RPRD2: variants seen among roughly 807,000 people sequenced by gnomAD.
The protein encoded by RPRD2 is regulation of nuclear pre-mRNA domain-containing protein 2.
Under a neutral mutation model 104.4 loss-of-function variants are expected in RPRD2, and 12 were observed. The ratio of observed to expected loss-of-function variants is 0.11; its 90% confidence interval spans 0.07 to 0.19. RPRD2 has a LOEUF of 0.19. Among genes scored for constraint, RPRD2 ranks in the 10% least tolerant of loss-of-function variants. The pLI, the probability that RPRD2 is intolerant of heterozygous loss-of-function variation, is 1.00. For synonymous variants in RPRD2, 714 were observed against 684.9 expected (o/e 1.04, Z -0.66); for missense variants, 1,543 against 1,790.1 (o/e 0.86, Z 2.49).
At chr1:150,408,157 GA>G (rs1176188696) in intron 1 of RPRD2, among the ~76,000 whole-genome samples, 22 of 119,614 alleles carry the variant, frequency 1.8e-4, no homozygotes, top group East Asian at 4.2e-4. Context: ...ATATTCATAT[GA>G]TTTTTTTTTT....
At chr1:150,375,232 T>A (rs1660610211) in intron 1 of RPRD2, among the ~76,000 whole-genome samples, 1 of 152,214 alleles carries the variant, frequency 6.6e-6, no homozygotes, top group Non-Finnish European at 1.5e-5. Context: ...GGTGATTTCA[T>A]CCATGGCCTT....
chr1:150,441,623 G>A (rs1335443097), intron 3 of RPRD2: 1 of 328,148 alleles, frequency 3.0e-6, no homozygotes, highest in Non-Finnish European at 5.6e-6. Context: ...ATTTTAATTT[G>A]TTAATTGGTA....
chr1:150,370,963 T>C (rs1430208355), intron 1 of RPRD2, among the ~76,000 whole-genome samples: 7 of 152,204 alleles, frequency 4.6e-5, no homozygotes, highest in Admixed American at 2.0e-4. Flanking sequence ...TCAGTAGTTA[T>C]CACATAACAG....
chr1:150,433,141 C>A (rs1400270905), intron 2 of RPRD2, among the ~76,000 whole-genome samples: 1 of 151,892 alleles, frequency 6.6e-6, no homozygotes, highest in Non-Finnish European at 1.5e-5. Context: ...TACTATGTAC[C>A]CATAAAAATT....
chr1:150,467,198 GA>G (rs1270586007), intron 10 of RPRD2, among the ~76,000 whole-genome samples: 5 of 152,144 alleles, frequency 3.3e-5, no homozygotes, highest in African/African-American at 1.2e-4. Flanking sequence ...ACTTTGTCTG[GA>G]GGTGCAGAAG....
rs781831836 is a variant in RPRD2 at position 150,433,501 on chromosome 1, G to A, written c.336-7422G>A. Among the ~76,000 whole-genome samples the A allele has an allele frequency of 4.4e-4, 58 of 132,560 alleles. 1 individual carries two copies. The highest frequency in any genetic ancestry group is 1.2e-4 in the Non-Finnish European group (8 of 65,268). The allele number at this position is 132,560 out of a possible 152,430, so 87.0% of individuals were successfully genotyped here. Reference sequence around the variant, plus strand: ...GCTCTGTCACCCAGGCTGGAGTGCAGTGGCGCAATCTCAGCTCACTGCAAG... The same window carrying A: ...GCTCTGTCACCCAGGCTGGAGTGCAATGGCGCAATCTCAGCTCACTGCAAG... On this transcript the variant is annotated intron_variant, in intron 2 of 10. Coordinates refer to ENST00000369068, the MANE Select transcript of RPRD2 (RefSeq NM_015203.5).
intron 1 of RPRD2, chr1:150,408,958 C>T (rs1663701131): frequency 4.6e-5 from 7 of 151,036 alleles, no homozygotes. Flanking sequence ...TCCATTATAC[C>T]ATAATGCTTG....
chr1:150,365,938 G>T (rs1553877088), intron 1 of RPRD2, among the ~76,000 whole-genome samples: 1 of 152,150 alleles, frequency 6.6e-6, no homozygotes, highest in East Asian at 1.9e-4. Context: ...CAATTGAGTT[G>T]ATCTCATGGG....
In RPRD2 at chr1:150,472,014, T is replaced by G. The variant is rs761349218; in HGVS notation, c.3066T>G (p.Asp1022Glu). 6.2e-7 allele frequency: 1 copy of G among 1,613,886 alleles called. No homozygotes were observed. Among genetic ancestry groups the G allele is most frequent in the South Asian group, 1.1e-5 (1 of 91,090 alleles). Residue 1022 changes from aspartate (D) to glutamate (E), a missense_variant, in exon 11 of 11, where the codon GAT becomes GAG. Asp to Glu is a conservative substitution (Grantham distance 45). Coordinates refer to ENST00000369068, the MANE Select transcript of RPRD2 (RefSeq NM_015203.5). ...AAAACGCCTCACGTAAGCCCTCAGA[T>G]GATAAGCATTTTGGCCAGGCTCCCA... ...MLKNASRKPS[D>E]DKHFGQAPSK... is the part of the protein sequence containing the mutation.
At chr1:150,420,573 C>G (rs1342357176) in intron 2 of RPRD2, among the ~76,000 whole-genome samples, 1 of 152,168 alleles carries the variant, frequency 6.6e-6, no homozygotes, top group African/African-American at 2.4e-5. Context: ...TGCCTATAAT[C>G]CCAGCACTTT....
chr1:150,473,865 G>A lies in RPRD2; in HGVS notation c.*531G>A, dbSNP rs1025103906. On this transcript the variant is annotated 3_prime_UTR_variant, in exon 11 of 11. Coordinates refer to ENST00000369068, the MANE Select transcript of RPRD2 (RefSeq NM_015203.5). ...TGTGTCCTGCTAACAGCCAAGAGAT[G>A]TTGCAAGGGAGGAAATGTGAGAGAC... 6.6e-6 allele frequency: 1 copy of A among 152,332 alleles called. No homozygotes were observed. The highest frequency in any genetic ancestry group is 1.5e-5 in the Non-Finnish European group (1 of 68,068). The allele number at this position is 152,332 out of a possible 1,614,324, so 9.4% of individuals were successfully genotyped here. A position where few individuals can be genotyped will look rare whatever the true frequency, so the allele number is the denominator to read the frequency against.
At chr1:150,446,870 T>C (rs1238214161) in intron 7 of RPRD2, among the ~76,000 whole-genome samples, 1 of 145,288 alleles carries the variant, frequency 6.9e-6, no homozygotes, top group Non-Finnish European at 1.5e-5. Flanking sequence ...TTTGTCGCTC[T>C]TGTTGCCCAG....
At chr1:150,373,709 C>CA (rs1660498261) in intron 1 of RPRD2, among the ~76,000 whole-genome samples, 1 of 151,572 alleles carries the variant, frequency 6.6e-6, no homozygotes, top group African/African-American at 2.4e-5. Flanking sequence ...ATATAATTCA[C>CA]AAAAAATATA....
intron 1 of RPRD2, among the ~76,000 whole-genome samples, chr1:150,368,213 T>G (rs1448556668): frequency 4.9e-5 from 7 of 144,064 alleles, no homozygotes; most frequent in Non-Finnish European, 9.2e-5. Flanking sequence ...TTGTTTTTTT[T>G]TTTTTTTTTT....
intron 1 of RPRD2, among the ~76,000 whole-genome samples, chr1:150,370,665 C>T (rs1660235204): frequency 6.6e-6 from 1 of 151,020 alleles, no homozygotes; most frequent in African/African-American, 2.4e-5. Context: ...ACCTCTGCCC[C>T]CTGGGTTCAA....
chr1:150,378,616 G>A (rs782386151), intron 1 of RPRD2, among the ~76,000 whole-genome samples: 15 of 151,978 alleles, frequency 9.9e-5, no homozygotes, highest in Non-Finnish European at 1.9e-4. Flanking sequence ...AAACAGATTT[G>A]CAAAAATGAA....
At chr1:150,468,952 G>A (rs919212343) in intron 10 of RPRD2, among the ~76,000 whole-genome samples, 2 of 16,338 alleles carry the variant, frequency 1.2e-4, no homozygotes, top group Non-Finnish European at 9.4e-5. Flanking sequence ...GAAACATGCC[G>A]ATTTTTTTTT....
intron 1 of RPRD2, among the ~76,000 whole-genome samples, chr1:150,368,959 A>G (rs1339102743): frequency 6.6e-6 from 1 of 152,136 alleles, no homozygotes; most frequent in Non-Finnish European, 1.5e-5. Context: ...TCTTATTTTC[A>G]GTATATGATA....
chr1:150,473,143 T>G lies in RPRD2; in HGVS notation c.4195T>G (p.Leu1399Val). 1 of 1,613,922 alleles carries G rather than the reference T, an allele frequency of 6.2e-7. No homozygotes were observed. Among genetic ancestry groups the G allele is most frequent in the East Asian group, 2.2e-5 (1 of 44,872 alleles). ...CAGCAACAGCAGCAGTGGCCCCCCCTTGGGTCCCTCACACAGAGACACCAT... is the reference window on the plus strand; with the variant it reads ...CAGCAACAGCAGCAGTGGCCCCCCCGTGGGTCCCTCACACAGAGACACCAT... ...GGSNSSSGPP[L>V]GPSHRDTISR... Residue 1399 changes from leucine (L) to valine (V), a missense_variant, in exon 11 of 11, where the codon TTG (leucine) becomes GTG (valine). Leu to Val is a conservative substitution (Grantham distance 32). Around this residue, in one of 4 missense-constraint regions of RPRD2, gnomAD observed 880 missense variants for 885.6 expected, o/e 0.99. Transcript: ENST00000369068.
Sources: gnomAD v4.1 joint callset for allele counts (sites outside exome capture counted in the v4.1 genomes callset) on GRCh38, gnomAD v4.1.1 for gene constraint, gnomAD v4.1.1 regional missense constraint, MANE v1.5 for transcripts, NCBI Gene and HGNC (gene_info 2026-07-23, HGNC 2026-07-21) for gene names.